KREMEN1: variants seen among roughly 807,000 people sequenced by gnomAD.
KREMEN1 encodes kringle containing transmembrane protein 1.
A neutral mutation model predicts 46.5 loss-of-function variants in KREMEN1; 30 were observed. That is an observed-to-expected ratio of 0.65 (90% CI 0.48 to 0.88). The LOEUF (loss-of-function observed/expected upper bound fraction) is 0.88, where lower values mean the gene tolerates loss of function less well. Ranked by LOEUF, KREMEN1 falls within the 40% of genes least tolerant of loss-of-function variation. KREMEN1 has a pLI of 0.00. For synonymous variants in KREMEN1, 214 were observed against 230.6 expected (o/e 0.93, Z 0.65); for missense variants, 533 against 596.9 (o/e 0.89, Z 1.11).
intron 9 of KREMEN1, among the ~76,000 whole-genome samples, chr22:29,162,012 G>C (rs892828822): frequency 2.6e-5 from 4 of 151,950 alleles, no homozygotes; most frequent in Admixed American, 2.0e-4. Context: ...CAGCTCCTCG[G>C]GAGGCTGAGG....
At chr22:29,076,528 A>T (rs1382010646) in intron 1 of KREMEN1, among the ~76,000 whole-genome samples, 4 of 152,206 alleles carry the variant, frequency 2.6e-5, no homozygotes, top group Admixed American at 2.6e-4. Flanking sequence ...ATTTTTGTGA[A>T]AATATACTTT....
Position 29,144,379 on chromosome 22 carries a change from G to A in KREMEN1, c.*2267G>A, listed in dbSNP as rs1013400796. The A allele has an allele frequency of 3.2e-5, 32 of 985,972 alleles. 1 individual carries two copies. In the South Asian group the frequency reaches 5.2e-4, roughly 16 times the overall value. 61.1% of individuals were successfully genotyped at this position (985,972 alleles called of 1,614,324 possible). On this transcript the variant is annotated 3_prime_UTR_variant, in exon 9 of 9. Coordinates refer to ENST00000400335, the MANE Select transcript of KREMEN1 (RefSeq NM_001039570.3). Reference sequence around the variant, plus strand: ...AGAGGGGCCTTCAGAGGAGGGAAACGGAGCAATGTGTCACAGGCAGGCAGG... The same window carrying A: ...AGAGGGGCCTTCAGAGGAGGGAAACAGAGCAATGTGTCACAGGCAGGCAGG...
At chr22:29,125,083 G>C (rs67157227) in intron 4 of KREMEN1, 180 bp from the exon 5 acceptor site, 105,528 of 642,318 alleles carry the variant, frequency 0.16, 9,593 homozygotes, top group Non-Finnish European at 0.18. Context: ...TGGTGGTTGC[G>C]TACTTATTGT....
intron 5 of KREMEN1, among the ~76,000 whole-genome samples, chr22:29,129,228 G>A (rs2145828022): frequency 6.6e-6 from 1 of 152,170 alleles, no homozygotes; most frequent in East Asian, 1.9e-4. Flanking sequence ...GTGCACACCT[G>A]TAATTCTAGG....
chr22:29,137,723 G>A, intron 6 of KREMEN1, 49 bp downstream of exon 6: 1 of 1,440,834 alleles, frequency 6.9e-7, no homozygotes, highest in South Asian at 1.4e-5. Context: ...CACGTGCCTT[G>A]GGCTTCTCTT....
chr22:29,143,570 G>T lies in KREMEN1; in HGVS notation c.*1458G>T. On this transcript the variant is annotated 3_prime_UTR_variant, in exon 9 of 9. Coordinates refer to ENST00000400335, the MANE Select transcript of KREMEN1 (RefSeq NM_001039570.3). ...ATCCTGGCTAAGATGGTGAAACCCC[G>T]TCTCTACTAAAAATACAAAAAATTA... 1.4e-6 allele frequency: 1 copy of T among 721,626 alleles called. No individual in the cohort carries two copies. The highest frequency in any genetic ancestry group is 1.7e-6 in the Non-Finnish European group (1 of 589,150). The allele number at this position is 721,626 out of a possible 1,614,324, so 44.7% of individuals were successfully genotyped here.
intron 9 of KREMEN1, among the ~76,000 whole-genome samples, chr22:29,158,448 G>A (rs180777901): frequency 1.5e-3 from 227 of 152,262 alleles, no homozygotes; most frequent in African/African-American, 5.0e-3. Context: ...CATGGGGCAC[G>A]GGGAATTCTA....
rs1377148104 is a variant in KREMEN1 at position 29,073,625 on chromosome 22, C to T, written c.97+398C>T. Among the ~76,000 whole-genome samples the T allele has an allele frequency of 5.3e-5, 8 of 151,868 alleles. No individual in the cohort carries two copies. Among genetic ancestry groups the T allele is most frequent in the African/African-American group, 7.3e-5 (3 of 41,352 alleles). Reference sequence around the variant, plus strand: ...CCAACCAGGCCGGGACGCCCCCTCTCCCCGGTACCTCCTGGGATCCCGTCC... The same window carrying T: ...CCAACCAGGCCGGGACGCCCCCTCTTCCCGGTACCTCCTGGGATCCCGTCC... On this transcript the variant is annotated intron_variant, in intron 1 of 8. Transcript: ENST00000400335. This position sits in a 1 kb window ranked among gnomAD's most constrained non-coding sequence, Gnocchi z 4.4.
At chr22:29,119,073 C>T (rs1315287189) in intron 3 of KREMEN1, among the ~76,000 whole-genome samples, 1 of 152,132 alleles carries the variant, frequency 6.6e-6, no homozygotes, top group Non-Finnish European at 1.5e-5. Flanking sequence ...TGTGGCTAAG[C>T]ATGGTGGCTC....
intron 9 of KREMEN1, chr22:29,166,950 G>C: frequency 9.9e-7 from 1 of 1,015,162 alleles, no homozygotes; most frequent in Non-Finnish European, 1.5e-6. Context: ...AAACAAAAGA[G>C]ACCAAAATCA....
chr22:29,073,303 G>A lies in KREMEN1; in HGVS notation c.97+76G>A. On this transcript the variant is annotated intron_variant, in intron 1 of 8. Transcript: ENST00000400335. This position sits in a 1 kb window ranked among gnomAD's most constrained non-coding sequence, Gnocchi z 4.4. Reference sequence around the variant, plus strand: ...GGGCGACAAGGGCCGGCCGGCCTGAGAGCCCCCTCCCTCCCGCTTCAGGAC... The same window carrying A: ...GGGCGACAAGGGCCGGCCGGCCTGAAAGCCCCCTCCCTCCCGCTTCAGGAC... 1.9e-6 allele frequency: 1 copy of A among 532,406 alleles called. No homozygotes were observed. Among genetic ancestry groups the A allele is most frequent in the Non-Finnish European group, 2.6e-6 (1 of 383,426 alleles). The allele number at this position is 532,406 out of a possible 1,614,324, so 33.0% of individuals were successfully genotyped here.
chr22:29,145,096 T>G lies in KREMEN1; in HGVS notation c.*2984T>G. 1.0e-6 allele frequency: 1 copy of G among 985,642 alleles called. No individual in the cohort carries two copies. The highest frequency in any genetic ancestry group is 1.2e-6 in the Non-Finnish European group (1 of 830,054). 61.1% of individuals were successfully genotyped at this position (985,642 alleles called of 1,614,324 possible). A position where few individuals can be genotyped will look rare whatever the true frequency, so the allele number is the denominator to read the frequency against. On this transcript the variant is annotated 3_prime_UTR_variant, in exon 9 of 9. Coordinates refer to ENST00000400335, the MANE Select transcript of KREMEN1 (RefSeq NM_001039570.3). Reference sequence around the variant, plus strand: ...GCCGCAGCCTGGCTATGGACTCAGTTAGAACCAGGTAGAAAGTCAGCGACA... The same window carrying G: ...GCCGCAGCCTGGCTATGGACTCAGTGAGAACCAGGTAGAAAGTCAGCGACA...
At chr22:29,109,288 T>C (rs1270591628) in intron 3 of KREMEN1, among the ~76,000 whole-genome samples, 2 of 152,178 alleles carry the variant, frequency 1.3e-5, no homozygotes, top group Non-Finnish European at 1.5e-5. Flanking sequence ...TCATTCAAAT[T>C]GATAGGGATG....
At chr22:29,164,613 G>T (rs2039037698) in intron 9 of KREMEN1, among the ~76,000 whole-genome samples, 1 of 151,922 alleles carries the variant, frequency 6.6e-6, no homozygotes, top group South Asian at 2.1e-4. Context: ...GGGTGTGGTG[G>T]CGGGTGCCTG....
Position 29,145,716 on chromosome 22 carries a change from C to A in KREMEN1, c.*3604C>A, listed in dbSNP as rs73393086. The A allele has an allele frequency of 1.0e-6, 1 of 985,480 alleles. No homozygotes were observed. Among genetic ancestry groups the A allele is most frequent in the Non-Finnish European group, 1.2e-6 (1 of 829,988 alleles). The allele number at this position is 985,480 out of a possible 1,614,324, so 61.0% of individuals were successfully genotyped here. On this transcript the variant is annotated 3_prime_UTR_variant, in exon 9 of 9. Coordinates refer to ENST00000400335, the MANE Select transcript of KREMEN1 (RefSeq NM_001039570.3). ...GAGTGACTTCACCCGCCCTGTCCCC[C>A]ACGTCAGGACAGGCTTGAGGCCTCT...
At chr22:29,101,073 A>G (rs1045224136) in intron 3 of KREMEN1, among the ~76,000 whole-genome samples, 3 of 152,040 alleles carry the variant, frequency 2.0e-5, no homozygotes, top group Admixed American at 2.0e-4. Flanking sequence ...CCAACATGGC[A>G]AAACCCCATC....
intron 3 of KREMEN1, among the ~76,000 whole-genome samples, chr22:29,104,771 G>C (rs910043141): frequency 6.6e-6 from 1 of 152,186 alleles, no homozygotes; most frequent in Non-Finnish European, 1.5e-5. Context: ...GTGCACATCT[G>C]TAGTCCCACC....
intron 5 of KREMEN1, among the ~76,000 whole-genome samples, chr22:29,131,546 A>C (rs1312595083): frequency 2.2e-5 from 1 of 46,370 alleles, no homozygotes; most frequent in Non-Finnish European, 4.0e-5. Context: ...ATATATATAT[A>C]TATATATATA....
chr22:29,073,958 A>G lies in KREMEN1; in HGVS notation c.97+731A>G, dbSNP rs1223698448. On this transcript the variant is annotated intron_variant, in intron 1 of 8. Coordinates refer to ENST00000400335, the MANE Select transcript of KREMEN1 (RefSeq NM_001039570.3). The surrounding 1 kb of genome is among the most constrained non-coding windows in gnomAD (Gnocchi z 4.4). ...CCAGCGACATCCCTCCCCTGGGCCA[A>G]GGTCCCCTCCCTGAGCCTCACTGCG... is the stretch of plus-strand genomic sequence containing the variant. Among the ~76,000 whole-genome samples the G allele has an allele frequency of 6.6e-6, 1 of 150,864 alleles. No individual in the cohort carries two copies. Among genetic ancestry groups the G allele is most frequent in the East Asian group, 2.0e-4 (1 of 5,062 alleles).
Sources: allele counts gnomAD v4.1 joint callset (sites outside exome capture counted in the v4.1 genomes callset), GRCh38; gene constraint gnomAD v4.1.1; non-coding constraint Gnocchi (gnomAD v3.1); transcripts MANE v1.5; gene names NCBI Gene and HGNC (gene_info 2026-07-23, HGNC 2026-07-21).